FBXW12: variants seen among roughly 807,000 people sequenced by gnomAD.
FBXW12 encodes the protein F-box/WD repeat-containing protein 12.
Under a neutral mutation model 55.3 loss-of-function variants are expected in FBXW12, and 43 were observed. The ratio of observed to expected loss-of-function variants is 0.78; its 90% CI spans 0.61 to 1.00. The LOEUF (loss-of-function observed/expected upper bound fraction) is 1.00. Among genes scored for constraint, FBXW12 ranks in the 50% least tolerant of loss-of-function variants. The pLI is 0.00. For synonymous variants in FBXW12, 184 were observed against 203.8 expected, an observed-to-expected ratio of 0.90 and a Z score of 0.83; for missense variants, 524 against 560.5, an observed-to-expected ratio of 0.93 and a Z score of 0.66.
chr3:48,376,975 G>C (rs945993593), intron 5 of FBXW12, among the ~76,000 whole-genome samples: 6 of 152,196 alleles, frequency 3.9e-5, no homozygotes, highest in Admixed American at 3.9e-4. Context: ...CAGATAACTT[G>C]TATATTTAGT....
At chr3:48,384,673 T>TTC (rs2036820718) in intron 10 of FBXW12, among the ~76,000 whole-genome samples, 1 of 152,220 alleles carries the variant, frequency 6.6e-6, no homozygotes. Context: ...GTTGAAAATG[T>TTC]TCTCTTCTAG....
intron 10 of FBXW12, among the ~76,000 whole-genome samples, chr3:48,383,653 A>G (rs1048567510): frequency 1.3e-5 from 2 of 152,226 alleles, no homozygotes; most frequent in Non-Finnish European, 2.9e-5. Flanking sequence ...GCCTAACCCA[A>G]GATCACAGAG....
chr3:48,383,133 C>T (rs1560032981), intron 10 of FBXW12, among the ~76,000 whole-genome samples: 1 of 152,132 alleles, frequency 6.6e-6, no homozygotes, highest in East Asian at 1.9e-4. Flanking sequence ...TGTTTTGAGG[C>T]AAAAATACTT....
At chr3:48,375,217 T>C in intron 4 of FBXW12, 137 bp from the exon 5 acceptor site, 1 of 639,606 alleles carries the variant, frequency 1.6e-6, no homozygotes, top group Non-Finnish European at 2.7e-6. Context: ...TGGATGACTC[T>C]GGAGCCCAAT....
chr3:48,374,764 CTTTTT>C (rs66751439), intron 4 of FBXW12, among the ~76,000 whole-genome samples: 2 of 82,678 alleles, frequency 2.4e-5, no homozygotes, highest in Non-Finnish European at 4.4e-5. Flanking sequence ...CCTGATAACA[CTTTTT>C]TTTTTTTTTT....
intron 10 of FBXW12, among the ~76,000 whole-genome samples, chr3:48,382,359 C>T (rs188967716): frequency 6.6e-6 from 1 of 152,304 alleles, no homozygotes; most frequent in East Asian, 1.9e-4. Context: ...TCGTGATCCG[C>T]CCGCCTTGGC....
At chr3:48,382,460 GT>G (rs539563269) in intron 10 of FBXW12, among the ~76,000 whole-genome samples, 20 of 149,024 alleles carry the variant, frequency 1.3e-4, no homozygotes, top group Admixed American at 2.7e-4. Context: ...GAAAACAGGG[GT>G]TTTTTTTTTT....
chr3:48,394,281 A>C lies in FBXW12; in HGVS notation c.1296-279A>C, dbSNP rs531955720. ...CAAAAACAAAAACAAACAAAAAAAC[A>C]ACCTCTCTAATCATCATTAAACCAG... On this transcript the variant is annotated intron_variant, in intron 10 of 10. Transcript: ENST00000296438. 4.6e-5 allele frequency among the ~76,000 whole-genome samples: 7 copies of C among 152,138 alleles called. No individual in the cohort carries two copies. In the South Asian group the frequency reaches 6.2e-4, roughly 14 times the overall value.
At chr3:48,391,180 A>G (rs889561322) in intron 10 of FBXW12, among the ~76,000 whole-genome samples, 2 of 151,142 alleles carry the variant, frequency 1.3e-5, no homozygotes, top group Non-Finnish European at 2.9e-5. Context: ...GCTACACAAG[A>G]AGCTGAGATG....
chr3:48,389,708 A>G (rs2036894985), intron 10 of FBXW12, among the ~76,000 whole-genome samples: 1 of 152,080 alleles, frequency 6.6e-6, no homozygotes, highest in Non-Finnish European at 1.5e-5. Flanking sequence ...GGTCCCACTT[A>G]CCGATTTTTG....
chr3:48,379,795 G>C (rs2036740310), intron 7 of FBXW12: 1 of 477,370 alleles, frequency 2.1e-6, no homozygotes, highest in Non-Finnish European at 3.8e-6. Context: ...TTGCCAAAGA[G>C]ATGGAAGAGG....
At chr3:48,392,575 C>G (rs566867730) in intron 10 of FBXW12, among the ~76,000 whole-genome samples, 20 of 151,768 alleles carry the variant, frequency 1.3e-4, no homozygotes, top group Admixed American at 2.6e-4. Flanking sequence ...GAGGTTTGCT[C>G]AAGATGGCTT....
chr3:48,392,654 C>T (rs2106659772), intron 10 of FBXW12, among the ~76,000 whole-genome samples: 2 of 152,158 alleles, frequency 1.3e-5, no homozygotes, highest in Middle Eastern at 6.8e-3. Flanking sequence ...TGCTGCTGAC[C>T]AGGGATACTC....
At chr3:48,392,100 A>C (rs1484090528) in intron 10 of FBXW12, among the ~76,000 whole-genome samples, 1 of 152,082 alleles carries the variant, frequency 6.6e-6, no homozygotes, top group Non-Finnish European at 1.5e-5. Flanking sequence ...ATGTATCTGT[A>C]TGTATGTCAG....
In FBXW12 at chr3:48,381,797, A is replaced by G; in HGVS notation, c.1083A>G (p.Pro361=). 6.2e-7 allele frequency: 1 copy of G among 1,612,726 alleles called. No homozygotes were observed. Among genetic ancestry groups the G allele is most frequent in the South Asian group, 1.1e-5 (1 of 90,926 alleles). The change falls in exon 9 of 11, where the codon CCA becomes CCG. Residue 361 remains proline, a synonymous_variant. Transcript: ENST00000296438. Reference sequence around the variant, plus strand: ...ATATGATTGTCTTTACCAGTGGACCATACTTGTTACTCTTCAGCATCACTG... The same window carrying G: ...ATATGATTGTCTTTACCAGTGGACCGTACTTGTTACTCTTCAGCATCACTG... ...DGYMIVFTSG[P]YLLLFSITGF... is the part of the protein sequence containing the mutation.
At chr3:48,377,834 AT>A (rs1040496792) in intron 5 of FBXW12, among the ~76,000 whole-genome samples, 41 of 152,148 alleles carry the variant, frequency 2.7e-4, no homozygotes, top group African/African-American at 9.7e-4. Context: ...ATACTTTACA[AT>A]TTTTTTAAAG....
chr3:48,382,041 CT>C lies in FBXW12; in HGVS notation c.1252del (p.Cys418AlafsTer20), dbSNP rs1329470111. On this transcript the variant is annotated frameshift_variant, in exon 10 of 11. Transcript: ENST00000296438. LOFTEE classifies it low-confidence loss of function (END_TRUNC). The stretch of plus-strand genomic sequence containing the variant: ...GAGGCCGCCATCCATACCTCAGGAG[CT>C]GCTGTCACCTGGAAAACACGTGGCA... The part of the protein sequence containing the change: ...EGGRHPYLRS[C>X]CHLENTWHDH... The C allele has an allele frequency of 6.2e-7, 1 of 1,614,056 alleles. No individual in the cohort carries two copies. Among genetic ancestry groups the C allele is most frequent in the Non-Finnish European group, 8.5e-7 (1 of 1,180,046 alleles).
At chr3:48,392,374 C>T (rs1473222315) in intron 10 of FBXW12, among the ~76,000 whole-genome samples, 1 of 143,440 alleles carries the variant, frequency 7.0e-6, no homozygotes, top group Non-Finnish European at 1.5e-5. Context: ...TGGCATGAAC[C>T]CAGGAGATGG....
intron 4 of FBXW12, among the ~76,000 whole-genome samples, chr3:48,374,611 A>G (rs1434975022): frequency 6.6e-6 from 1 of 151,866 alleles, no homozygotes; most frequent in Non-Finnish European, 1.5e-5. Flanking sequence ...TCCGGGCATA[A>G]GCCACCATAC....
Sources: gnomAD v4.1 joint callset for allele counts (sites outside exome capture counted in the v4.1 genomes callset) on GRCh38, gnomAD v4.1.1 for gene constraint, MANE v1.5 for transcripts, NCBI Gene and HGNC (gene_info 2026-07-23, HGNC 2026-07-21) for gene names.